RMDN2: variants seen among roughly 807,000 people sequenced by gnomAD.
The protein encoded by RMDN2 is regulator of microtubule dynamics 2, also known as regulator of microtubule dynamics protein 2.
In RMDN2, 61 loss-of-function variants were observed where a neutral mutation model predicts 52.8. The observed-to-expected ratio is 1.16, with a 90% confidence interval of 0.94 to 1.43. The LOEUF is 1.43. Among genes scored for constraint, RMDN2 ranks in the 40% most tolerant of loss-of-function variants. The pLI, the probability that RMDN2 is intolerant of heterozygous loss-of-function variation, is 0.00. For synonymous variants in RMDN2, 180 were observed against 153.1 expected (o/e 1.18, Z -1.30); for missense variants, 592 against 475.3 (o/e 1.25, Z -2.28).
intron 2 of RMDN2, among the ~76,000 whole-genome samples, chr2:37,945,473 A>G (rs2124940360): frequency 6.6e-6 from 1 of 152,224 alleles, no homozygotes; most frequent in Non-Finnish European, 1.5e-5. Context: ...ACATCCATTC[A>G]CTCTACCAGC....
At chr2:37,932,281 C>G (rs1666827378) in intron 2 of RMDN2, among the ~76,000 whole-genome samples, 1 of 151,198 alleles carries the variant, frequency 6.6e-6, no homozygotes, top group Non-Finnish European at 1.5e-5. Context: ...AGCATGCTGC[C>G]TTCAAGCATC....
At chr2:38,060,054 C>T (rs1477333089) in intron 10 of RMDN2, among the ~76,000 whole-genome samples, 2 of 149,816 alleles carry the variant, frequency 1.3e-5, no homozygotes, top group Non-Finnish European at 3.0e-5. Flanking sequence ...TGTGCCACGA[C>T]GCCCAGCTAT....
intron 2 of RMDN2, among the ~76,000 whole-genome samples, chr2:37,961,625 G>C (rs888469227): frequency 6.6e-6 from 1 of 151,938 alleles, no homozygotes; most frequent in African/African-American, 2.4e-5. Flanking sequence ...TCCTTGCATT[G>C]GGTTAGGACA....
intron 2 of RMDN2, among the ~76,000 whole-genome samples, chr2:37,962,494 G>A (rs896187100): frequency 1.3e-5 from 2 of 152,142 alleles, no homozygotes; most frequent in Non-Finnish European, 2.9e-5. Context: ...TACACTGTGT[G>A]GGGAAAACCG....
chr2:38,021,214 G>T (rs1345048711), downstream of RMDN2, among the ~76,000 whole-genome samples: 7 of 152,132 alleles, frequency 4.6e-5, no homozygotes, highest in East Asian at 1.4e-3. Context: ...TTTGTGTCTA[G>T]CTCAGGGATT....
intron 10 of RMDN2, among the ~76,000 whole-genome samples, chr2:38,033,594 G>A (rs1382569349): frequency 6.6e-6 from 1 of 152,222 alleles, no homozygotes; most frequent in Non-Finnish European, 1.5e-5. Flanking sequence ...TCTACTCCAT[G>A]TGGACACACA....
intron 1 of RMDN2, among the ~76,000 whole-genome samples, chr2:37,928,510 C>T (rs1212361704): frequency 6.6e-6 from 1 of 152,236 alleles, no homozygotes; most frequent in Non-Finnish European, 1.5e-5. Flanking sequence ...CCAATTCACA[C>T]TCCCAGCTAT....
intron 2 of RMDN2, chr2:37,951,973 C>T (rs753632776): frequency 1.2e-6 from 2 of 1,613,426 alleles, no homozygotes; most frequent in Non-Finnish European, 1.7e-6. Flanking sequence ...CATCCTCGTC[C>T]TGAAAGTTAC....
intron 10 of RMDN2, among the ~76,000 whole-genome samples, chr2:38,066,178 A>G (rs994135168): frequency 2.0e-5 from 3 of 152,204 alleles, no homozygotes; most frequent in Admixed American, 1.3e-4. Flanking sequence ...GCAATAATGC[A>G]TTAGAGTTTA....
chr2:38,061,425 G>C (rs1682043149), intron 10 of RMDN2, among the ~76,000 whole-genome samples: 1 of 152,094 alleles, frequency 6.6e-6, no homozygotes, highest in Non-Finnish European at 1.5e-5. Context: ...AGACTGCCCT[G>C]ATTTTGTGAC....
chr2:37,929,662 A>G lies in RMDN2; in HGVS notation c.385A>G (p.Arg129Gly), dbSNP rs576275044. 16 of 1,540,608 alleles carry G rather than the reference A, an allele frequency of 1.0e-5. No homozygotes were observed. Among genetic ancestry groups the G allele is most frequent in the Non-Finnish European group, 1.3e-5 (15 of 1,144,408 alleles). ...AAGCCCTCAGCACAGAGCGAGAAAA[A>G]GAAGACTCCCCACAATTCAAAGTTC... ...KISPQHRARKRRLPTIQSSAT... is the reference protein window; with the variant it reads ...KISPQHRARKGRLPTIQSSAT... Residue 129 changes from arginine (R) to glycine (G), a missense_variant, in exon 2 of 11, where the codon AGA (arginine) becomes GGA (glycine). Transcript: ENST00000354545.
chr2:38,030,922 C>T (rs1375947232), intron 10 of RMDN2: 1 of 151,808 alleles, frequency 6.6e-6, no homozygotes, highest in Admixed American at 6.6e-5. Flanking sequence ...TTTCCTTTTC[C>T]TTTGTTTTCA....
chr2:38,018,277 G>A (rs1679067226), downstream of RMDN2, among the ~76,000 whole-genome samples: 1 of 152,280 alleles, frequency 6.6e-6, no homozygotes, highest in Admixed American at 6.5e-5. Context: ...CTCATACACG[G>A]TTAGTGAGAG....
intron 10 of RMDN2, chr2:38,035,903 TACCAAACAGTAATTACTCTGC>T (rs1390776521): frequency 2.0e-5 from 3 of 151,990 alleles, no homozygotes; most frequent in Non-Finnish European, 2.9e-5. Context: ...TCTACCATGG[TACCAAACAGTAATTACTCTGC>T]AGAGGTAATA....
intron 10 of RMDN2, among the ~76,000 whole-genome samples, chr2:38,055,245 C>T (rs888754969): frequency 6.6e-6 from 1 of 151,798 alleles, no homozygotes; most frequent in Non-Finnish European, 1.5e-5. Context: ...TCAAAGTTGC[C>T]GTTCTAAAGC....
intron 10 of RMDN2, among the ~76,000 whole-genome samples, chr2:38,013,084 G>T (rs772978176): frequency 9.9e-5 from 15 of 152,172 alleles, no homozygotes; most frequent in Admixed American, 9.2e-4. Context: ...TATTATTCAT[G>T]TGGACTTTTC....
chr2:38,050,651 G>A (rs1386643880), intron 10 of RMDN2, among the ~76,000 whole-genome samples: 1 of 152,140 alleles, frequency 6.6e-6, no homozygotes, highest in African/African-American at 2.4e-5. Context: ...ATAAAAGTTG[G>A]TTGAGAGAAG....
At chr2:38,047,895 C>G (rs996443642) in intron 10 of RMDN2, among the ~76,000 whole-genome samples, 1 of 152,172 alleles carries the variant, frequency 6.6e-6, no homozygotes, top group African/African-American at 2.4e-5. Flanking sequence ...TCATTCCACT[C>G]CTTCCTTATA....
At chr2:38,030,948 C>G in intron 10 of RMDN2, 1 of 151,672 alleles carries the variant, frequency 6.6e-6, no homozygotes, top group East Asian at 1.9e-4. Flanking sequence ...CTAAAAAGTG[C>G]TTAAGGCAGC....
Sources: allele counts gnomAD v4.1 joint callset (sites outside exome capture counted in the v4.1 genomes callset), GRCh38; gene constraint gnomAD v4.1.1; transcripts MANE v1.5; gene names NCBI Gene and HGNC (gene_info 2026-07-23, HGNC 2026-07-21).